The following SUMF1 variants were observed in gnomAD, a reference collection of about 807,000 sequenced individuals.
SUMF1 encodes formylglycine-generating enzyme.
Under a neutral mutation model 47.6 loss-of-function variants are expected in SUMF1, and 48 were observed. That is an observed-to-expected ratio of 1.01 (90% CI 0.80 to 1.28). SUMF1 has a LOEUF of 1.28. SUMF1 is among the 50% of genes most tolerant of loss of function. SUMF1 has a pLI of 0.00. For missense variants in SUMF1, 571 were observed against 485.4 expected, an observed-to-expected ratio of 1.18 and a Z score of -1.66; for synonymous variants, 230 against 192.1, an observed-to-expected ratio of 1.20 and a Z score of -1.63.
chr3:4,073,211 C>T (rs1282984614), intron 8 of SUMF1, among the ~76,000 whole-genome samples: 4 of 152,164 alleles, frequency 2.6e-5, no homozygotes, highest in African/African-American at 9.7e-5. Flanking sequence ...ATTTTCAACC[C>T]AGAATTTCAT....
intron 8 of SUMF1, among the ~76,000 whole-genome samples, chr3:4,129,183 G>A (rs2125085164): frequency 1.3e-5 from 2 of 152,176 alleles, no homozygotes; most frequent in Non-Finnish European, 2.9e-5. Context: ...ATATCTAACG[G>A]TGGGAATGAC....
Position 4,069,253 on chromosome 3 carries a change from G to A in SUMF1, c.1015-508C>T, listed in dbSNP as rs117986985. On this transcript the variant is annotated intron_variant and NMD_transcript_variant, in intron 8 of 12. Coordinates refer to the SUMF1 transcript ENST00000448413. ...CACAAATCCATGGGGGCAGTGATCC[G>A]TGTAGGGTCTTAGGGCCCTGCAAGG... 1.6e-3 allele frequency among the ~76,000 whole-genome samples: 251 copies of A among 152,258 alleles called. 3 individuals are homozygous for A. The East Asian group carries it at 0.026, about 16-fold the overall frequency.
At position 4,049,390 on chromosome 3, in the gene SUMF1, G is replaced by T. The variant is rs77910643; in HGVS notation, c.1191+19179C>A. On this transcript the variant is annotated intron_variant and NMD_transcript_variant, in intron 9 of 12. Coordinates refer to the SUMF1 transcript ENST00000448413. ...AAATGCCCTCTTACTCCACAGCAGG[G>T]AGCTCATGCCAAAATATTTGCTGGA... Among the ~76,000 whole-genome samples the T allele has an allele frequency of 7.7e-3, 1,172 of 152,216 alleles. 19 individuals are homozygous for T. Among genetic ancestry groups the T allele is most frequent in the African/African-American group, 0.026 (1,070 of 41,528 alleles).
chr3:4,403,434 T>C (rs1350186646), intron 7 of SUMF1, among the ~76,000 whole-genome samples: 2 of 152,058 alleles, frequency 1.3e-5, no homozygotes, highest in African/African-American at 4.8e-5. Flanking sequence ...AAGGACATTT[T>C]CCCCCAATTC....
intron 8 of SUMF1, among the ~76,000 whole-genome samples, chr3:4,325,605 G>A (rs528860148): frequency 0.014 from 1,797 of 131,744 alleles, 19 homozygotes; most frequent in African/African-American, 0.054. Flanking sequence ...GTGTATATAT[G>A]TGTACACACA....
intron 8 of SUMF1, among the ~76,000 whole-genome samples, chr3:4,320,359 G>T (rs116819958): frequency 6.6e-6 from 1 of 152,276 alleles, no homozygotes; most frequent in African/African-American, 2.4e-5. Flanking sequence ...TTCCCATGGG[G>T]GTTATAGGGA....
Position 4,318,850 on chromosome 3 carries a change from G to A in SUMF1, c.1014+57480C>T, listed in dbSNP as rs149713035. ...TTGAACCTGGGGTGGAGGTTACAGC[G>A]AGCTGAGATTACACCACTGCACTCC... On this transcript the variant is annotated intron_variant and NMD_transcript_variant, in intron 8 of 12. Coordinates refer to the SUMF1 transcript ENST00000448413. Among the ~76,000 whole-genome samples, 1,192 of 152,208 alleles carry A rather than the reference G, an allele frequency of 7.8e-3. 21 individuals are homozygous for A. Among genetic ancestry groups the A allele is most frequent in the African/African-American group, 0.027 (1,117 of 41,524 alleles).
chr3:4,172,597 A>T (rs1476755525), intron 8 of SUMF1, among the ~76,000 whole-genome samples: 5 of 152,168 alleles, frequency 3.3e-5, no homozygotes, highest in African/African-American at 1.2e-4. Context: ...CTAAGATCAC[A>T]CAGCTAAGAA....
rs1193843696 is a variant in SUMF1 at position 4,184,388 on chromosome 3, G to A, written c.1015-115643C>T. Among the ~76,000 whole-genome samples, 7 of 151,956 alleles carry A rather than the reference G, an allele frequency of 4.6e-5. No homozygotes were observed. The East Asian group carries it at 5.9e-4, about 13-fold the overall frequency. On this transcript the variant is annotated intron_variant and NMD_transcript_variant, in intron 8 of 12. Coordinates refer to the SUMF1 transcript ENST00000448413. ...TGAGAATCGCTTGAACCCAGGAGAC[G>A]GAAGTTGCAGGGAGCCAAGATCATG...
At chr3:4,076,035 C>T (rs1692425519) in intron 8 of SUMF1, among the ~76,000 whole-genome samples, 1 of 152,102 alleles carries the variant, frequency 6.6e-6, no homozygotes, top group Non-Finnish European at 1.5e-5. Context: ...ATTGCCAAGA[C>T]AATCCTAAGC....
At chr3:4,108,072 T>C (rs930399030) in intron 8 of SUMF1, among the ~76,000 whole-genome samples, 2 of 152,054 alleles carry the variant, frequency 1.3e-5, no homozygotes, top group African/African-American at 4.8e-5. Context: ...TAGAACAGTG[T>C]TTTTCAAACT....
At chr3:4,235,656 C>A (rs538735731) in intron 8 of SUMF1, among the ~76,000 whole-genome samples, 1 of 152,078 alleles carries the variant, frequency 6.6e-6, no homozygotes, top group Admixed American at 6.6e-5. Flanking sequence ...TACAAGGGAA[C>A]ATCCTAGGCC....
chr3:4,325,239 A>C (rs563616983), intron 8 of SUMF1, among the ~76,000 whole-genome samples: 35 of 152,160 alleles, frequency 2.3e-4, no homozygotes, highest in Non-Finnish European at 4.0e-4. Context: ...TATTTCAAAG[A>C]AAGTACTGTA....
rs189375937 is a variant in SUMF1 at position 4,050,524 on chromosome 3, T to G, written c.1191+18045A>C. Among the ~76,000 whole-genome samples, 217 of 151,684 alleles carry G rather than the reference T, an allele frequency of 1.4e-3. 1 individual carries two copies. The highest frequency in any genetic ancestry group is 4.8e-3 in the African/African-American group (198 of 41,396). On this transcript the variant is annotated intron_variant and NMD_transcript_variant, in intron 9 of 12. Transcript: ENST00000448413. ...TGGGAGGCTGAGGTGGGTGGATTGT[T>G]TGAGTCCAGGAGTTCAAGACCAGCC...
At chr3:4,152,544 C>A (rs1456689725) in intron 8 of SUMF1, among the ~76,000 whole-genome samples, 1 of 151,238 alleles carries the variant, frequency 6.6e-6, no homozygotes. Flanking sequence ...CCTCCCTCCT[C>A]AGCCTCCCAC....
intron 9 of SUMF1, among the ~76,000 whole-genome samples, chr3:4,059,309 T>A (rs1020518508): frequency 6.6e-6 from 1 of 152,136 alleles, no homozygotes; most frequent in African/African-American, 2.4e-5. Context: ...GAAAGCAGTG[T>A]ATTTTATCTG....
At chr3:4,071,477 G>C (rs1695524039) in intron 8 of SUMF1, among the ~76,000 whole-genome samples, 1 of 152,192 alleles carries the variant, frequency 6.6e-6, no homozygotes, top group Admixed American at 6.5e-5. Flanking sequence ...TTTGCAACCA[G>C]CAGACCAGGA....
chr3:4,443,695 G>T (rs1203189422), intron 3 of SUMF1, among the ~76,000 whole-genome samples: 3 of 152,032 alleles, frequency 2.0e-5, no homozygotes, highest in African/African-American at 7.2e-5. Context: ...AGCCCAGGAA[G>T]TCAAGGCTGC....
At chr3:4,456,641 T>C (rs1349099970) in intron 1 of SUMF1, among the ~76,000 whole-genome samples, 2 of 79,164 alleles carry the variant, frequency 2.5e-5, no homozygotes, top group African/African-American at 7.5e-5. Flanking sequence ...TATACGTGTA[T>C]ATATATATAT....
Sources: gnomAD v4.1 joint callset for allele counts (sites outside exome capture counted in the v4.1 genomes callset) on GRCh38, gnomAD v4.1.1 for gene constraint, MANE v1.5 for transcripts, NCBI Gene and HGNC (gene_info 2026-07-23, HGNC 2026-07-21) for gene names.